The following ITPKB variants were observed in gnomAD, a reference collection of about 807,000 sequenced individuals.
ITPKB encodes IP3 3-kinase B.
A neutral mutation model predicts 69.4 loss-of-function variants in ITPKB; 13 were observed. The ratio of observed to expected loss-of-function variants is 0.19; its 90% CI spans 0.12 to 0.30. The LOEUF (loss-of-function observed/expected upper bound fraction) is 0.30. Among genes scored for constraint, ITPKB ranks in the 10% least tolerant of loss-of-function variants. The pLI is 1.00. For synonymous variants in ITPKB, 584 were observed against 513.7 expected, an observed-to-expected ratio of 1.14 and a Z score of -1.85; for missense variants, 1,240 against 1,250.5, an observed-to-expected ratio of 0.99 and a Z score of 0.13.
intron 2 of ITPKB, among the ~76,000 whole-genome samples, chr1:226,728,388 G>C (rs1657485886): frequency 6.6e-6 from 1 of 152,210 alleles, no homozygotes; most frequent in Non-Finnish European, 1.5e-5. Context: ...TAATGGAGTT[G>C]TTGAGAAACA....
chr1:226,726,652 G>A (rs1335298536), intron 2 of ITPKB, among the ~76,000 whole-genome samples: 4 of 152,074 alleles, frequency 2.6e-5, no homozygotes, highest in African/African-American at 7.2e-5. Context: ...CTCCTGCCTG[G>A]GCGACAGAGT....
chr1:226,701,429 C>G (rs1202753558), intron 2 of ITPKB, among the ~76,000 whole-genome samples: 1 of 151,476 alleles, frequency 6.6e-6, no homozygotes, highest in Non-Finnish European at 1.5e-5. Context: ...ACGGTGAAAC[C>G]CCGTCTCTAC....
chr1:226,644,370 G>A (rs1294790378), intron 4 of ITPKB, among the ~76,000 whole-genome samples: 4 of 152,226 alleles, frequency 2.6e-5, no homozygotes, highest in Non-Finnish European at 5.9e-5. Context: ...GACGCTGGGG[G>A]AGGAGGGGAC....
chr1:226,731,204 C>A (rs1657579729), intron 2 of ITPKB, among the ~76,000 whole-genome samples: 2 of 152,164 alleles, frequency 1.3e-5, no homozygotes, highest in African/African-American at 4.8e-5. Flanking sequence ...GGGACAATGC[C>A]CTGCTTTTTG....
intron 2 of ITPKB, among the ~76,000 whole-genome samples, chr1:226,715,996 A>T (rs554860831): frequency 2.6e-5 from 4 of 152,126 alleles, no homozygotes; most frequent in Non-Finnish European, 4.4e-5. Flanking sequence ...TTTTTAGTAG[A>T]GATGAGGTTT....
At chr1:226,654,416 A>T (rs1466307843) in intron 2 of ITPKB, among the ~76,000 whole-genome samples, 8 of 152,142 alleles carry the variant, frequency 5.3e-5, no homozygotes, top group Non-Finnish European at 8.8e-5. Flanking sequence ...GGGGAAGCTC[A>T]GGGCATGCCA....
rs959129112 is a variant in ITPKB at position 226,648,745 on chromosome 1, G to A, written c.1959C>T (p.Asn653=). 16 of 1,610,782 alleles carry A rather than the reference G, an allele frequency of 9.9e-6. No homozygotes were observed. Among genetic ancestry groups the A allele is most frequent in the African/African-American group, 1.3e-5 (1 of 74,876 alleles). The part of the protein sequence containing the change: ...RVSKSWRKIK[N]MVHWSPFVMS... Reference sequence around the variant, plus strand: ...TGACGAAGGGAGACCAGTGCACCATGTTTTTTATCTTCCTCCATGATTTGC... The same window carrying A: ...TGACGAAGGGAGACCAGTGCACCATATTTTTTATCTTCCTCCATGATTTGC... The change falls in exon 3 of 8, where the codon AAC becomes AAT. Residue 653 remains asparagine (N), a synonymous_variant. Transcript: ENST00000429204.
chr1:226,635,517 T>A (rs1433290576), intron 7 of ITPKB, among the ~76,000 whole-genome samples: 1 of 152,166 alleles, frequency 6.6e-6, no homozygotes, highest in East Asian at 1.9e-4. Flanking sequence ...TGAATCACAC[T>A]GCACCTGGGC....
chr1:226,702,015 C>T (rs1656680094), intron 2 of ITPKB, among the ~76,000 whole-genome samples: 1 of 152,152 alleles, frequency 6.6e-6, no homozygotes, highest in Non-Finnish European at 1.5e-5. Context: ...AAATGCTTGC[C>T]TAAGACCAGA....
At position 226,736,696 on chromosome 1, in the gene ITPKB, C is replaced by A. The variant is rs1261111211; in HGVS notation, c.763G>T (p.Val255Leu). 1 of 1,612,950 alleles carries A rather than the reference C, an allele frequency of 6.2e-7. No homozygotes were observed. The highest frequency in any genetic ancestry group is 1.3e-5 in the African/African-American group (1 of 75,054). The part of the protein sequence containing the change: ...GSEAQGPSAF[V>L]RMEKGIPASP... ...GCAGGGATACCCTTCTCCATCCTTA[C>A]AAAAGCGGATGGACCCTGAGCCTCT... The change falls in exon 2 of 8, where the codon GTA becomes TTA. Residue 255 changes from valine to leucine, a missense_variant. By Grantham distance (32) the Val-to-Leu change is conservative. Around this residue, in one of 2 missense-constraint regions of ITPKB, gnomAD observed 992 missense variants for 853.8 expected, o/e 1.16. Coordinates refer to ENST00000429204, the MANE Select transcript of ITPKB (RefSeq NM_002221.4).
intron 2 of ITPKB, among the ~76,000 whole-genome samples, chr1:226,720,332 T>G (rs773452359): frequency 1.4e-4 from 22 of 152,148 alleles, no homozygotes; most frequent in Non-Finnish European, 3.1e-4. Context: ...ACCTCTGCAT[T>G]CAGTTCAGTT....
intron 2 of ITPKB, among the ~76,000 whole-genome samples, chr1:226,680,490 G>A (rs1357926705): frequency 6.6e-6 from 1 of 152,184 alleles, no homozygotes; most frequent in Non-Finnish European, 1.5e-5. Flanking sequence ...CCTTTTCCGG[G>A]ACCAGCTGGT....
chr1:226,721,816 C>A (rs1260762513), intron 2 of ITPKB, among the ~76,000 whole-genome samples: 1 of 139,952 alleles, frequency 7.1e-6, no homozygotes, highest in Admixed American at 7.2e-5. Flanking sequence ...TCTTTTCTTT[C>A]TTTTTTTTTT....
intron 2 of ITPKB, among the ~76,000 whole-genome samples, chr1:226,687,066 A>T (rs772204046): frequency 6.6e-6 from 1 of 152,240 alleles, no homozygotes; most frequent in Non-Finnish European, 1.5e-5. Context: ...CTGATGTGGC[A>T]CAAGTCATTT....
chr1:226,727,499 G>T (rs988656758), intron 2 of ITPKB, among the ~76,000 whole-genome samples: 2 of 152,168 alleles, frequency 1.3e-5, no homozygotes, highest in Non-Finnish European at 2.9e-5. Context: ...AATCCTTCTC[G>T]CGGCAGGCTG....
At chr1:226,703,000 T>A (rs965769755) in intron 2 of ITPKB, among the ~76,000 whole-genome samples, 4 of 152,118 alleles carry the variant, frequency 2.6e-5, no homozygotes, top group Non-Finnish European at 5.9e-5. Flanking sequence ...TTTATTTTCA[T>A]AACAGTAAAA....
intron 2 of ITPKB, among the ~76,000 whole-genome samples, chr1:226,709,507 C>T (rs1250362597): frequency 2.0e-5 from 3 of 152,268 alleles, no homozygotes; most frequent in African/African-American, 2.4e-5. Flanking sequence ...GGTGTCACTG[C>T]GGTCCTGGGA....
intron 2 of ITPKB, among the ~76,000 whole-genome samples, chr1:226,685,777 T>C (rs1349840841): frequency 6.6e-6 from 1 of 152,216 alleles, no homozygotes; most frequent in Non-Finnish European, 1.5e-5. Context: ...ATGAGTTAAC[T>C]AATTAAAAGC....
chr1:226,721,808 TTTTC>T (rs1401147398), intron 2 of ITPKB, among the ~76,000 whole-genome samples: 220 of 149,742 alleles, frequency 1.5e-3, no homozygotes, highest in African/African-American at 4.9e-3. Flanking sequence ...TTTTCTTTTC[TTTTC>T]TTTCTTTTTT....
Sources: allele counts gnomAD v4.1 joint callset (sites outside exome capture counted in the v4.1 genomes callset), GRCh38; gene constraint gnomAD v4.1.1; regional missense constraint gnomAD v4.1.1; transcripts MANE v1.5; gene names NCBI Gene and HGNC (gene_info 2026-07-23, HGNC 2026-07-21).